The following OPHN1 variants were observed in gnomAD, a reference collection of about 807,000 sequenced individuals.
The protein encoded by OPHN1 is oligophrenin 1, also known as oligophrenin-1.
A neutral mutation model predicts 60.7 loss-of-function variants in OPHN1; 11 were observed. The observed-to-expected ratio is 0.18, with a 90% CI of 0.11 to 0.30. The LOEUF (loss-of-function observed/expected upper bound fraction) is 0.30. Ranked by LOEUF, OPHN1 falls within the 10% of genes least tolerant of loss-of-function variation. The pLI, the probability that OPHN1 is intolerant of heterozygous loss-of-function variation, is 1.00. For missense variants in OPHN1, 449 were observed against 611.0 expected, an observed-to-expected ratio of 0.73 and a Z score of 2.80; for synonymous variants, 226 against 222.6, an observed-to-expected ratio of 1.02 and a Z score of -0.14.
chrX:68,220,419 T>G (rs944456383), intron 6 of OPHN1, among the ~76,000 whole-genome samples: 1 of 111,315 alleles, frequency 9.0e-6, no homozygotes, highest in Non-Finnish European at 1.9e-5. Context: ...GAATCCTCCC[T>G]AACTCATTTC....
At chrX:68,294,472 A>C (rs1403400300) in intron 3 of OPHN1, among the ~76,000 whole-genome samples, 1 of 85,426 alleles carries the variant, frequency 1.2e-5, no homozygotes, top group Non-Finnish European at 2.2e-5. Flanking sequence ...AGACTCTATC[A>C]CAAAAAAAAA....
chrX:68,388,020 T>G (rs1229024416), intron 2 of OPHN1, among the ~76,000 whole-genome samples: 1 of 108,456 alleles, frequency 9.2e-6, no homozygotes, highest in African/African-American at 3.4e-5. Flanking sequence ...TAAGCAAAGA[T>G]AGGGGTCAGA....
chrX:68,178,967 C>T (rs1334087167), intron 15 of OPHN1, among the ~76,000 whole-genome samples: 1 of 111,504 alleles, frequency 9.0e-6, no homozygotes, highest in East Asian at 2.8e-4. Flanking sequence ...ACATATTTAC[C>T]ACACTGGATA....
At chrX:68,223,324 T>C (rs915677336) in intron 6 of OPHN1, among the ~76,000 whole-genome samples, 1 of 112,343 alleles carries the variant, frequency 8.9e-6, no homozygotes, top group Non-Finnish European at 1.9e-5. Context: ...AAAGAAAATA[T>C]AGTAGGTATA....
At chrX:68,247,764 A>G (rs2077813914) in intron 5 of OPHN1, among the ~76,000 whole-genome samples, 1 of 109,167 alleles carries the variant, frequency 9.2e-6, no homozygotes, top group Non-Finnish European at 1.9e-5. Context: ...ACAAAAAAAA[A>G]AAAAAACACA....
intron 19 of OPHN1, among the ~76,000 whole-genome samples, chrX:68,078,692 G>A (rs1312259050): frequency 9.0e-6 from 1 of 111,124 alleles, no homozygotes; most frequent in African/African-American, 3.3e-5. Context: ...GTCATTAGAA[G>A]TAAACTTCTT....
intron 5 of OPHN1, among the ~76,000 whole-genome samples, chrX:68,254,245 C>T (rs1034804077): frequency 9.0e-6 from 1 of 111,209 alleles, no homozygotes; most frequent in Non-Finnish European, 1.9e-5. Flanking sequence ...CACTAGCTTC[C>T]CGTAGGACCT....
intron 2 of OPHN1, among the ~76,000 whole-genome samples, chrX:68,418,358 C>G (rs1202484529): frequency 9.0e-6 from 1 of 111,006 alleles, no homozygotes; most frequent in Non-Finnish European, 1.9e-5. Context: ...CAGGCAACCC[C>G]GAGGAGGATA....
intron 2 of OPHN1, among the ~76,000 whole-genome samples, chrX:68,420,117 C>T (rs1171413002): frequency 9.0e-6 from 1 of 111,689 alleles, no homozygotes; most frequent in African/African-American, 3.3e-5. Flanking sequence ...AGCTTTCAAA[C>T]ATTTTCTAAT....
intron 15 of OPHN1, among the ~76,000 whole-genome samples, chrX:68,189,685 C>T (rs985175149): frequency 5.4e-5 from 6 of 111,580 alleles, no homozygotes; most frequent in Non-Finnish European, 9.4e-5. Flanking sequence ...TAACATAAAG[C>T]ATCATACAAA....
At chrX:68,149,686 A>G (rs779416274) in intron 15 of OPHN1, among the ~76,000 whole-genome samples, 1 of 111,128 alleles carries the variant, frequency 9.0e-6, no homozygotes, top group Non-Finnish European at 1.9e-5. Context: ...ATCCTCATAC[A>G]TTGCTGTTGG....
rs895185112 is a variant in OPHN1 at position 68,125,612 on chromosome X, C to T, written c.1277-6280G>A. On this transcript the variant is annotated intron_variant, in intron 15 of 24. Transcript: ENST00000355520. ...TTGATAAATTCCTAGACACACACAA[C>T]CTACCAAGATTGAACCAGGAATAAA... Among the ~76,000 whole-genome samples the T allele has an allele frequency of 4.6e-5, 5 of 109,391 alleles. No individual in the cohort carries two copies. The East Asian group carries it at 1.5e-3, about 32-fold the overall frequency. The allele number at this position is 109,391 out of a possible 115,157, so 95.0% of individuals were successfully genotyped here.
intron 2 of OPHN1, among the ~76,000 whole-genome samples, chrX:68,430,081 T>C (rs901430600): frequency 8.9e-6 from 1 of 111,943 alleles, no homozygotes; most frequent in African/African-American, 3.2e-5. Flanking sequence ...GATCCCAAGA[T>C]GGAGAAGCCA....
chrX:68,169,533 C>T (rs1325236067), intron 15 of OPHN1, among the ~76,000 whole-genome samples: 114 of 108,563 alleles, frequency 1.1e-3, no homozygotes, highest in African/African-American at 3.8e-3. Context: ...TCAAACTATA[C>T]TACAAGGCTA....
At position 68,063,771 on chromosome X, in the gene OPHN1, A is replaced by G. The variant is rs2076902366; in HGVS notation, c.2158+83T>C. On this transcript the variant is annotated intron_variant, in intron 21 of 24. Coordinates refer to ENST00000355520, the MANE Select transcript of OPHN1 (RefSeq NM_002547.3). ...TAAACTGGAACATATTTCCACTTAA[A>G]TATATCTCCAAACTCAGAAGGATCT... 1.1e-5 allele frequency: 9 copies of G among 823,900 alleles called. No individual in the cohort carries two copies. The East Asian group carries it at 3.2e-4, about 29-fold the overall frequency. 67.9% of individuals were successfully genotyped at this position (823,900 alleles called of 1,213,427 possible). A position where few individuals can be genotyped will look rare whatever the true frequency, so the allele number is the denominator to read the frequency against.
intron 2 of OPHN1, among the ~76,000 whole-genome samples, chrX:68,381,175 G>A (rs1326852457): frequency 8.9e-6 from 1 of 111,790 alleles, no homozygotes; most frequent in African/African-American, 3.2e-5. Context: ...TGAGAAGTTT[G>A]TCAATGGCTG....
intron 2 of OPHN1, among the ~76,000 whole-genome samples, chrX:68,342,483 C>T (rs73634113): frequency 0.058 from 6,430 of 111,561 alleles, 458 homozygotes; most frequent in African/African-American, 0.2. Flanking sequence ...ATGGACACAT[C>T]AAGTTCATCA....
At chrX:68,115,383 T>G (rs2077122688) in intron 16 of OPHN1, among the ~76,000 whole-genome samples, 1 of 112,221 alleles carries the variant, frequency 8.9e-6, no homozygotes, top group African/African-American at 3.2e-5. Flanking sequence ...ATTTCAGTTT[T>G]CAGTTGTTCT....
intron 3 of OPHN1, among the ~76,000 whole-genome samples, chrX:68,298,277 A>C (rs137999655): frequency 0.021 from 2,395 of 111,855 alleles, 80 homozygotes; most frequent in African/African-American, 0.074. Context: ...CCACAAAAAT[A>C]CCCATAGAAA....
Sources: gnomAD v4.1 joint callset for allele counts (sites outside exome capture counted in the v4.1 genomes callset) on GRCh38, gnomAD v4.1.1 for gene constraint, MANE v1.5 for transcripts, NCBI Gene and HGNC (gene_info 2026-07-23, HGNC 2026-07-21) for gene names.